OSBPL1A: variants seen among roughly 807,000 people sequenced by gnomAD.
OSBPL1A encodes oxysterol-binding protein-related protein 1.
In OSBPL1A, 80 loss-of-function variants were observed where a neutral mutation model predicts 137.1. The observed-to-expected ratio is 0.58, with a 90% CI of 0.49 to 0.70. OSBPL1A has a LOEUF of 0.70. OSBPL1A is among the 30% of genes least tolerant of loss of function. OSBPL1A has a pLI of 0.00. For synonymous variants in OSBPL1A, 365 were observed against 389.7 expected (o/e 0.94, Z 0.75); for missense variants, 970 against 1,129.4 (o/e 0.86, Z 2.02).
At chr18:24,307,948 C>T (rs1394447193) in intron 13 of OSBPL1A, among the ~76,000 whole-genome samples, 2 of 139,166 alleles carry the variant, frequency 1.4e-5, no homozygotes, top group African/African-American at 6.0e-5. Flanking sequence ...CACCACCATG[C>T]CTTTCTAATT....
At chr18:24,166,758 A>G (rs2086154030) in intron 25 of OSBPL1A, 56 bp from the exon 26 acceptor site, 2 of 1,541,988 alleles carry the variant, frequency 1.3e-6, no homozygotes, top group Non-Finnish European at 8.8e-7. Context: ...TGCAAAATGA[A>G]ACATCCTGAA....
intron 4 of OSBPL1A, 98 bp from the exon 5 acceptor site, chr18:24,341,756 G>GA (rs2091278063): frequency 2.9e-6 from 2 of 679,572 alleles, no homozygotes; most frequent in South Asian, 4.1e-5. Flanking sequence ...CTCCACAATA[G>GA]AAAAAAGCAC....
At chr18:24,256,981 AAAAAAAAAAAG>A in intron 15 of OSBPL1A, among the ~76,000 whole-genome samples, 1 of 148,034 alleles carries the variant, frequency 6.8e-6, no homozygotes, top group African/African-American at 2.5e-5. Context: ...AAAAAAAAAA[AAAAAAAAAAAG>A]GAAAGATATT....
chr18:24,253,796 A>C (rs1443324243), intron 15 of OSBPL1A, among the ~76,000 whole-genome samples: 1 of 152,182 alleles, frequency 6.6e-6, no homozygotes, highest in Non-Finnish European at 1.5e-5. Context: ...AAATATCTCA[A>C]GCACTGACCT....
intron 9 of OSBPL1A, among the ~76,000 whole-genome samples, chr18:24,318,174 G>C (rs953610226): frequency 6.6e-6 from 1 of 152,064 alleles, no homozygotes; most frequent in African/African-American, 2.4e-5. Flanking sequence ...TGCCAGTCAC[G>C]GTGGCTCACA....
chr18:24,174,351 A>G (rs1207509276), intron 21 of OSBPL1A, among the ~76,000 whole-genome samples: 1 of 152,222 alleles, frequency 6.6e-6, no homozygotes, highest in Admixed American at 6.5e-5. Context: ...CAACACCAAC[A>G]ATACACAGGT....
intron 17 of OSBPL1A, among the ~76,000 whole-genome samples, chr18:24,215,306 T>A (rs529866982): frequency 6.6e-6 from 1 of 152,318 alleles, no homozygotes; most frequent in East Asian, 1.9e-4. Flanking sequence ...AAATTTCAAA[T>A]CCTGGCTGAA....
At chr18:24,260,468 C>T (rs1310874504) in intron 15 of OSBPL1A, among the ~76,000 whole-genome samples, 1 of 152,174 alleles carries the variant, frequency 6.6e-6, no homozygotes, top group Non-Finnish European at 1.5e-5. Flanking sequence ...ACTTCTTAGC[C>T]ATCAAAGGCA....
intron 1 of OSBPL1A, among the ~76,000 whole-genome samples, chr18:24,392,953 G>A (rs373375584): frequency 6.6e-6 from 1 of 152,132 alleles, no homozygotes; most frequent in Non-Finnish European, 1.5e-5. Context: ...GCCTTCCAAC[G>A]TGCTGGAATT....
intron 15 of OSBPL1A, among the ~76,000 whole-genome samples, chr18:24,270,977 A>G (rs1031431582): frequency 6.6e-6 from 1 of 152,196 alleles, no homozygotes; most frequent in African/African-American, 2.4e-5. Context: ...CACAACAGAA[A>G]GCACAAAACA....
intron 17 of OSBPL1A, among the ~76,000 whole-genome samples, chr18:24,223,122 C>T (rs900577243): frequency 6.6e-6 from 1 of 151,924 alleles, no homozygotes; most frequent in Non-Finnish European, 1.5e-5. Flanking sequence ...AAACACAACC[C>T]AAACTACTAT....
chr18:24,350,215 G>C (rs1275074518), intron 4 of OSBPL1A, among the ~76,000 whole-genome samples: 1 of 152,142 alleles, frequency 6.6e-6, no homozygotes, highest in Non-Finnish European at 1.5e-5. Flanking sequence ...TTCTAGAAGG[G>C]GCAGTCTGTA....
intron 1 of OSBPL1A, among the ~76,000 whole-genome samples, chr18:24,390,857 TG>T (rs1338618368): frequency 6.6e-6 from 1 of 151,948 alleles, no homozygotes; most frequent in Non-Finnish European, 1.5e-5. Context: ...CGCGGCACTT[TG>T]GGAAGTTGAG....
chr18:24,342,997 C>T (rs553007432), intron 4 of OSBPL1A, among the ~76,000 whole-genome samples: 45 of 151,704 alleles, frequency 3.0e-4, no homozygotes, highest in African/African-American at 9.7e-4. Context: ...CATTTTGGGG[C>T]TCATGTTTTC....
intron 5 of OSBPL1A, among the ~76,000 whole-genome samples, chr18:24,336,955 G>A (rs945526262): frequency 1.3e-5 from 2 of 152,112 alleles, no homozygotes; most frequent in African/African-American, 2.4e-5. Flanking sequence ...CTCCCTGCAG[G>A]TCATTTATTA....
At chr18:24,341,418 G>T in intron 5 of OSBPL1A, 129 bp downstream of exon 5, 1 of 651,088 alleles carries the variant, frequency 1.5e-6, no homozygotes, top group Non-Finnish European at 2.7e-6. Context: ...ATGACTCCAA[G>T]ATGACATTAT....
At chr18:24,317,080 G>C in intron 11 of OSBPL1A, 69 bp downstream of exon 11, 1 of 1,480,404 alleles carries the variant, frequency 6.8e-7, no homozygotes. Context: ...CTGTATAAAT[G>C]ATTTGGGTCA....
intron 13 of OSBPL1A, chr18:24,311,485 T>G: frequency 3.0e-6 from 3 of 986,268 alleles, no homozygotes; most frequent in Non-Finnish European, 2.4e-6. Flanking sequence ...GATAAGGCAC[T>G]GGTGTCACTT....
chr18:24,239,496 G>T, intron 15 of OSBPL1A, 114 bp from the exon 16 acceptor site: 2 of 973,120 alleles, frequency 2.1e-6, no homozygotes, highest in Non-Finnish European at 3.0e-6. Context: ...TATCAGAAAT[G>T]AAAACAGTCG....
Sources: gnomAD v4.1 joint callset for allele counts (sites outside exome capture counted in the v4.1 genomes callset) on GRCh38, gnomAD v4.1.1 for gene constraint, MANE v1.5 for transcripts, NCBI Gene and HGNC (gene_info 2026-07-23, HGNC 2026-07-21) for gene names.